Variants in USP6NL observed in about 807,000 individuals in gnomAD.
USP6NL encodes USP6 N-terminal like.
USP6NL carries 26 observed loss-of-function variants against 61.9 expected under a neutral mutation model. The observed-to-expected ratio is 0.42, with a 90% CI of 0.31 to 0.58. USP6NL has a LOEUF of 0.58. Ranked by LOEUF, USP6NL falls within the 20% of genes least tolerant of loss-of-function variation. The probability of loss-of-function intolerance (pLI) is 0.16; values close to 1 mark genes in which losing one functional copy is unlikely to be tolerated. For missense variants in USP6NL, 1,114 were observed against 1,034.3 expected (o/e 1.08, Z -1.06); for synonymous variants, 432 against 390.1 (o/e 1.11, Z -1.27).
At chr10:11,529,995 G>A (rs1303089586) in intron 2 of USP6NL, among the ~76,000 whole-genome samples, 1 of 151,670 alleles carries the variant, frequency 6.6e-6, no homozygotes, top group East Asian at 1.9e-4. Flanking sequence ...CAGCTTAGTC[G>A]GGAGGCTGAA....
At chr10:11,573,037 G>A (rs963189912) in intron 2 of USP6NL, among the ~76,000 whole-genome samples, 1 of 119,078 alleles carries the variant, frequency 8.4e-6, no homozygotes, top group African/African-American at 2.6e-5. Flanking sequence ...ATGAATATAA[G>A]ACTGTTTTTA....
rs1378380080 is a variant in USP6NL, at chr10:11,463,382, C to T, written c.1546G>A (p.Ala516Thr). Reference protein sequence around the residue: ...GKGRAAHPALAVTVPGPAEVR... With the variant: ...GKGRAAHPALTVTVPGPAEVR... ...TCGGCAGGACCTGGGACGGTAACTG[C>T]GAGCGCGGGGTGCGCTGCTCGACCT... Residue 516 changes from alanine to threonine, a missense_variant, in exon 15 of 15, where the codon GCA becomes ACA. By Grantham distance (58) the Ala-to-Thr change is moderately conservative (BLOSUM62 0). Coordinates refer to ENST00000609104, the MANE Select transcript of USP6NL (RefSeq NM_014688.5). This position sits in a 1 kb window ranked among gnomAD's most constrained non-coding sequence, Gnocchi z 6.3. 1.2e-6 allele frequency: 2 copies of T among 1,614,022 alleles called. No homozygotes were observed. Among genetic ancestry groups the T allele is most frequent in the Admixed American group, 1.7e-5 (1 of 60,036 alleles).
At chr10:11,565,926 A>T (rs1487876059) in intron 2 of USP6NL, among the ~76,000 whole-genome samples, 2 of 138,340 alleles carry the variant, frequency 1.4e-5, no homozygotes, top group Non-Finnish European at 3.1e-5. Context: ...AATATTGAAG[A>T]TTCTTACTCT....
Position 11,501,147 on chromosome 10 carries a change from A to G in USP6NL, c.338T>C (p.Leu113Pro). The change falls in exon 7 of 15, where the codon CTT becomes CCT. Residue 113 changes from leucine to proline, a missense_variant. By Grantham distance (98) the Leu-to-Pro change is moderately conservative. Coordinates refer to ENST00000609104, the MANE Select transcript of USP6NL (RefSeq NM_014688.5). ...LQLRGEVWAL[L>P]LEIPKMKEET... is the part of the protein sequence containing the mutation. ...TTCTTTCATTTTAGGGATCTCAAGAAGGAGGGCCCAGACTTCACCTCTGAG... is the reference window on the plus strand; with the variant it reads ...TTCTTTCATTTTAGGGATCTCAAGAGGGAGGGCCCAGACTTCACCTCTGAG... 6.2e-7 allele frequency: 1 copy of G among 1,613,372 alleles called. No homozygotes were observed. Among genetic ancestry groups the G allele is most frequent in the Non-Finnish European group, 8.5e-7 (1 of 1,179,676 alleles).
At chr10:11,579,758 T>TG (rs1566195609) in intron 2 of USP6NL, among the ~76,000 whole-genome samples, 1 of 152,010 alleles carries the variant, frequency 6.6e-6, no homozygotes, top group Non-Finnish European at 1.5e-5. Flanking sequence ...ATGTCCCTCA[T>TG]GGGGGAGATA....
intron 14 of USP6NL, among the ~76,000 whole-genome samples, chr10:11,480,961 T>C (rs1393834578): frequency 6.6e-6 from 1 of 152,220 alleles, no homozygotes; most frequent in Non-Finnish European, 1.5e-5. Context: ...CTTTGAAAGT[T>C]ATTCCTCCTG....
intron 2 of USP6NL, among the ~76,000 whole-genome samples, chr10:11,569,418 C>T (rs531030739): frequency 7.6e-4 from 115 of 152,218 alleles, no homozygotes; most frequent in African/African-American, 2.7e-3. Context: ...AAATGTATTG[C>T]AATTAACATT....
At chr10:11,545,472 C>T (rs564987855) in intron 2 of USP6NL, among the ~76,000 whole-genome samples, 14 of 152,344 alleles carry the variant, frequency 9.2e-5, no homozygotes, top group Middle Eastern at 3.4e-3. Flanking sequence ...ACCTTCTCTA[C>T]GCGTGAACAG....
intron 5 of USP6NL, among the ~76,000 whole-genome samples, chr10:11,514,319 G>GGGGCGCATATCATGTTCCTTA (rs1266109166): frequency 1.3e-5 from 2 of 151,700 alleles, no homozygotes; most frequent in African/African-American, 4.8e-5. Context: ...AATCAATTAT[G>GGGGCGCATATCATGTTCCTTA]ACTGTGATGG....
At position 11,511,844 on chromosome 10, in the gene USP6NL, C is replaced by T. The variant is rs541317785; in HGVS notation, c.196-2169G>A. Among the ~76,000 whole-genome samples, 92 of 152,052 alleles carry T rather than the reference C, an allele frequency of 6.1e-4. No individual in the cohort carries two copies. The highest frequency in any genetic ancestry group is 2.2e-3 in the African/African-American group (91 of 41,490). Reference sequence around the variant, plus strand: ...TATATATTATACACACACACACACACACACACCCCTTGGGAAGCTATAGGA... The same window carrying T: ...TATATATTATACACACACACACACATACACACCCCTTGGGAAGCTATAGGA... On this transcript the variant is annotated intron_variant, in intron 5 of 14. Coordinates refer to ENST00000609104, the MANE Select transcript of USP6NL (RefSeq NM_014688.5). This position sits in a 1 kb window ranked among gnomAD's most constrained non-coding sequence, Gnocchi z 4.9.
At chr10:11,515,537 T>C (rs953451262) in intron 5 of USP6NL, among the ~76,000 whole-genome samples, 6 of 152,204 alleles carry the variant, frequency 3.9e-5, no homozygotes, top group African/African-American at 7.2e-5. Context: ...GGCAATCTTA[T>C]GGAAGTGAGC....
At chr10:11,568,296 G>A (rs1837239896) in intron 2 of USP6NL, among the ~76,000 whole-genome samples, 1 of 151,388 alleles carries the variant, frequency 6.6e-6, no homozygotes, top group African/African-American at 2.5e-5. Flanking sequence ...GAATATGAAT[G>A]TCAATGCTCT....
chr10:11,510,697 A>T lies in USP6NL; in HGVS notation c.196-1022T>A, dbSNP rs1238652804. Among the ~76,000 whole-genome samples, 1 of 152,272 alleles carries T rather than the reference A, an allele frequency of 6.6e-6. No individual in the cohort carries two copies. The highest frequency in any genetic ancestry group is 1.5e-5 in the Non-Finnish European group (1 of 68,048). ...ACAAGTCTACTCAGAAAAGAAAATC[A>T]TTCTGAGGATACATTTTATACTCAA... On this transcript the variant is annotated intron_variant, in intron 5 of 14. Coordinates refer to ENST00000609104, the MANE Select transcript of USP6NL (RefSeq NM_014688.5). This position sits in a 1 kb window ranked among gnomAD's most constrained non-coding sequence, Gnocchi z 4.8.
At chr10:11,599,871 G>A (rs1017264236) in intron 1 of USP6NL, among the ~76,000 whole-genome samples, 12 of 151,934 alleles carry the variant, frequency 7.9e-5, no homozygotes, top group African/African-American at 2.9e-4. Flanking sequence ...GTGTTAGCCA[G>A]GATGGTCTCG....
At chr10:11,514,094 C>A (rs886444061) in intron 5 of USP6NL, among the ~76,000 whole-genome samples, 1 of 152,170 alleles carries the variant, frequency 6.6e-6, no homozygotes, top group African/African-American at 2.4e-5. Flanking sequence ...AGTATTTGCC[C>A]AATTTTTCCA....
intron 13 of USP6NL, among the ~76,000 whole-genome samples, chr10:11,484,598 C>A (rs902406601): frequency 6.6e-6 from 1 of 152,148 alleles, no homozygotes; most frequent in African/African-American, 2.4e-5. Flanking sequence ...GGCCTGGTTT[C>A]TTTGGTCTTC....
intron 1 of USP6NL, among the ~76,000 whole-genome samples, chr10:11,609,688 T>G (rs1005813489): frequency 1.3e-5 from 2 of 152,214 alleles, no homozygotes; most frequent in African/African-American, 4.8e-5. Context: ...TAACAAGGAC[T>G]TGACACACAT....
rs1385697184 is a variant in USP6NL at position 11,587,606 on chromosome 10, T to A, written c.4+10025A>T. ...GGTTATGAGAACAGCTAATCTTTAGTGAAGCAATCTCAATTTATGTACAAA... is the reference window on the plus strand; with the variant it reads ...GGTTATGAGAACAGCTAATCTTTAGAGAAGCAATCTCAATTTATGTACAAA... On this transcript the variant is annotated intron_variant, in intron 2 of 14. Transcript: ENST00000609104. The surrounding 1 kb of genome is among the most constrained non-coding windows in gnomAD (Gnocchi z 4.5). Among the ~76,000 whole-genome samples the A allele has an allele frequency of 6.6e-6, 1 of 152,244 alleles. No individual in the cohort carries two copies.
Position 11,493,151 on chromosome 10 carries a change from G to A in USP6NL, c.462C>T (p.Asp154=), listed in dbSNP as rs778214807. The change falls in exon 8 of 15, where the codon GAC becomes GAT. Residue 154 remains aspartate, a synonymous_variant. Transcript: ENST00000609104. Reference sequence around the variant, plus strand: ...CATATCTGTCTCTAAACATAATGTGGTCCCGAAATGTGCGGTTGACATCCA... The same window carrying A: ...CATATCTGTCTCTAAACATAATGTGATCCCGAAATGTGCGGTTGACATCCA... The part of the protein sequence containing the change: ...IDLDVNRTFR[D]HIMFRDRYGV... 3.3e-5 allele frequency: 53 copies of A among 1,611,774 alleles called. No homozygotes were observed. The highest frequency in any genetic ancestry group is 4.4e-5 in the Non-Finnish European group (52 of 1,178,930).
Sources: gnomAD v4.1 joint callset for allele counts (sites outside exome capture counted in the v4.1 genomes callset) on GRCh38, gnomAD v4.1.1 for gene constraint, Gnocchi (gnomAD v3.1) non-coding constraint, MANE v1.5 for transcripts, NCBI Gene and HGNC (gene_info 2026-07-23, HGNC 2026-07-21) for gene names.